The following ZDHHC7 variants were observed in gnomAD, a reference collection of about 807,000 sequenced individuals.
The protein encoded by ZDHHC7 is zDHHC palmitoyltransferase 7.
In ZDHHC7, 12 loss-of-function variants were observed where a neutral mutation model predicts 34.1. The ratio of observed to expected loss-of-function variants is 0.35; its 90% CI spans 0.23 to 0.57. ZDHHC7 has a LOEUF of 0.57. Ranked by LOEUF, ZDHHC7 falls within the 20% of genes least tolerant of loss-of-function variation. The pLI is 0.84. For missense variants in ZDHHC7, 388 were observed against 402.7 expected, an observed-to-expected ratio of 0.96 and a Z score of 0.31; for synonymous variants, 185 against 155.4, an observed-to-expected ratio of 1.19 and a Z score of -1.42.
chr16:84,984,233 C>A (rs1464428630), intron 3 of ZDHHC7, among the ~76,000 whole-genome samples: 1 of 152,012 alleles, frequency 6.6e-6, no homozygotes, highest in Non-Finnish European at 1.5e-5. Flanking sequence ...GTTGGCCAGG[C>A]TGGTCTCGAA....
intron 1 of ZDHHC7, among the ~76,000 whole-genome samples, chr16:85,010,967 G>A (rs934833697): frequency 2.6e-5 from 4 of 152,262 alleles, no homozygotes; most frequent in African/African-American, 9.6e-5. Flanking sequence ...TAGCTGCTCT[G>A]TAACCACCAC....
At chr16:84,998,748 CCT>C (rs891467039) in intron 1 of ZDHHC7, among the ~76,000 whole-genome samples, 18 of 143,988 alleles carry the variant, frequency 1.3e-4, no homozygotes, top group Non-Finnish European at 1.7e-4. Flanking sequence ...CCCTTCTGAA[CCT>C]TTTTTTTTTT....
the ZDHHC7 span, among the ~76,000 whole-genome samples, chr16:85,017,528 A>T: frequency 6.6e-6 from 1 of 152,226 alleles, no homozygotes; most frequent in Non-Finnish European, 1.5e-5. Flanking sequence ...TACCATCCAT[A>T]ATAGCCCCAA....
At chr16:84,985,656 A>C (rs1021722629) in intron 3 of ZDHHC7, among the ~76,000 whole-genome samples, 10 of 152,166 alleles carry the variant, frequency 6.6e-5, no homozygotes, top group African/African-American at 2.2e-4. Flanking sequence ...GAAAAAAATT[A>C]TAAAAGAATT....
In ZDHHC7 at chr16:84,990,752, G is replaced by T. The variant is rs2072499483; in HGVS notation, c.-17-117C>A. 1.4e-5 allele frequency: 11 copies of T among 781,190 alleles called. No individual in the cohort carries two copies. In the South Asian group the frequency reaches 2.0e-4, roughly 14 times the overall value. The allele number at this position is 781,190 out of a possible 1,614,324, so 48.4% of individuals were successfully genotyped here. Reference sequence around the variant, plus strand: ...CATGAAGTTAGTCTAAATACACATAGTGGGAAAGAACATAAAAACATAACT... The same window carrying T: ...CATGAAGTTAGTCTAAATACACATATTGGGAAAGAACATAAAAACATAACT... On this transcript the variant is annotated intron_variant, in intron 2 of 7. Coordinates refer to ENST00000313732, the MANE Select transcript of ZDHHC7 (RefSeq NM_017740.3).
upstream of ZDHHC7, among the ~76,000 whole-genome samples, chr16:85,012,664 G>C (rs74328024): frequency 6.6e-6 from 1 of 152,096 alleles, no homozygotes; most frequent in African/African-American, 2.4e-5. Context: ...AGCACTTGTA[G>C]GAGGCCGAGG....
chr16:85,025,424 G>A, the ZDHHC7 span, among the ~76,000 whole-genome samples: 3 of 151,610 alleles, frequency 2.0e-5, no homozygotes, highest in Non-Finnish European at 2.9e-5. Context: ...CTTTTTTGGG[G>A]GGGGGGACTA....
chr16:84,977,967 A>C lies in ZDHHC7; in HGVS notation c.576T>G (p.Leu192=), dbSNP rs1043957023. 6 of 1,613,958 alleles carry C rather than the reference A, an allele frequency of 3.7e-6. No individual in the cohort carries two copies. The African/African-American group carries it at 6.7e-5, about 18-fold the overall frequency. The part of the protein sequence containing the change: ...IALSSVHALI[L]CGFQFISCVR... Reference sequence around the variant, plus strand: ...CACAGGAGATGAACTGAAATCCACAAAGGATCAGAGCATGGACTGAAGACA... The same window carrying C: ...CACAGGAGATGAACTGAAATCCACACAGGATCAGAGCATGGACTGAAGACA... The change falls in exon 6 of 8, where the codon CTT becomes CTG. Residue 192 remains leucine (L), a synonymous_variant. Coordinates refer to ENST00000313732, the MANE Select transcript of ZDHHC7 (RefSeq NM_017740.3).
At chr16:85,003,981 T>C (rs546706871) in intron 1 of ZDHHC7, among the ~76,000 whole-genome samples, 1 of 152,206 alleles carries the variant, frequency 6.6e-6, no homozygotes, top group African/African-American at 2.4e-5. Flanking sequence ...TTCATCTACA[T>C]GCTCTCCACA....
intron 1 of ZDHHC7, among the ~76,000 whole-genome samples, chr16:85,009,265 G>A (rs1433592129): frequency 6.6e-6 from 1 of 151,990 alleles, no homozygotes; most frequent in East Asian, 1.9e-4. Context: ...CAAGCCAGCA[G>A]GTAAGTTTCA....
chr16:85,006,697 G>A (rs1294512450), intron 1 of ZDHHC7, among the ~76,000 whole-genome samples: 1 of 152,130 alleles, frequency 6.6e-6, no homozygotes, highest in African/African-American at 2.4e-5. Context: ...TTGAGATCAT[G>A]CTACTGCACT....
At chr16:84,978,261 G>A (rs1763397974) in intron 5 of ZDHHC7, 1 of 312,884 alleles carries the variant, frequency 3.2e-6, no homozygotes, top group Non-Finnish European at 5.9e-6. Flanking sequence ...TGTAACTGCT[G>A]ACCTCTAGTG....
chr16:85,000,466 C>G (rs2072639093), intron 1 of ZDHHC7, among the ~76,000 whole-genome samples: 4 of 152,110 alleles, frequency 2.6e-5, no homozygotes, highest in Admixed American at 2.0e-4. Flanking sequence ...ACAAAAGATA[C>G]CAGTATTCTC....
Position 84,977,103 on chromosome 16 carries a change from C to T in ZDHHC7, c.742G>A (p.Asp248Asn), listed in dbSNP as rs1384204227. 2.5e-6 allele frequency: 4 copies of T among 1,614,022 alleles called. No individual in the cohort carries two copies. The highest frequency in any genetic ancestry group is 3.4e-6 in the Non-Finnish European group (4 of 1,180,020). The stretch of plus-strand genomic sequence containing the variant: ...CCGAGAACAAAGCTTACCGTCTCGT[C>T]GTTGCATATGGAGTGGATTTGGGTG... ...FGTQIHSICN[D>N]ETEIERLKSE... is the part of the protein sequence containing the mutation. The change falls in exon 7 of 8, where the codon GAC becomes AAC. Residue 248 changes from aspartate to asparagine, a missense_variant. Coordinates refer to ENST00000313732, the MANE Select transcript of ZDHHC7 (RefSeq NM_017740.3).
chr16:85,009,709 C>CTTT (rs543110602), intron 1 of ZDHHC7, among the ~76,000 whole-genome samples: 6 of 126,626 alleles, frequency 4.7e-5, no homozygotes, highest in Non-Finnish European at 8.3e-5. Context: ...GACTTTTTTT[C>CTTT]TTTTTTTTTT....
intron 3 of ZDHHC7, among the ~76,000 whole-genome samples, chr16:84,988,567 C>A (rs151000478): frequency 6.6e-6 from 1 of 152,208 alleles, no homozygotes; most frequent in Non-Finnish European, 1.5e-5. Flanking sequence ...TTCCTGGCCG[C>A]CTCCAGCTCT....
chr16:84,988,282 G>T (rs570515545), intron 3 of ZDHHC7, among the ~76,000 whole-genome samples: 2 of 152,212 alleles, frequency 1.3e-5, no homozygotes, highest in Non-Finnish European at 2.9e-5. Context: ...GATGGCTAAG[G>T]GGTGTGGGGT....
rs1325863179 is a variant in ZDHHC7, at chr16:84,975,062, AG to A, written c.*1280del. ...GCGTCCGGCAAAAAATGTACAAACC[AG>A]GCAAGTTTAAGGCAAGGCCCCACGA... On this transcript the variant is annotated 3_prime_UTR_variant, in exon 8 of 8. Coordinates refer to ENST00000313732, the MANE Select transcript of ZDHHC7 (RefSeq NM_017740.3). 6.5e-6 allele frequency: 1 copy of A among 152,674 alleles called. No homozygotes were observed. Among genetic ancestry groups the A allele is most frequent in the African/African-American group, 2.4e-5 (1 of 41,468 alleles). The allele number at this position is 152,674 out of a possible 1,614,324, so 9.5% of individuals were successfully genotyped here. A position where few individuals can be genotyped will look rare whatever the true frequency, so the allele number is the denominator to read the frequency against.
Position 84,978,009 on chromosome 16 carries a change from G to A in ZDHHC7, c.538-4C>T. 1.3e-6 allele frequency: 2 copies of A among 1,599,884 alleles called. No homozygotes were observed. The highest frequency in any genetic ancestry group is 1.7e-6 in the Non-Finnish European group (2 of 1,171,320). On this transcript the variant is annotated splice_region_variant and splice_polypyrimidine_tract_variant and intron_variant, in intron 5 of 7. Transcript: ENST00000313732. ...CTGAAGACAGAGCTATATACATCTA[G>A]AATGAGGGGGAGATTGGTTAGTCAC...
Sources: allele counts gnomAD v4.1 joint callset (sites outside exome capture counted in the v4.1 genomes callset), GRCh38; gene constraint gnomAD v4.1.1; transcripts MANE v1.5; gene names NCBI Gene and HGNC (gene_info 2026-07-23, HGNC 2026-07-21).